Variants in STX8 observed in about 807,000 individuals in gnomAD.
The protein encoded by STX8 is syntaxin-8.
Under a neutral mutation model 37.5 loss-of-function variants are expected in STX8, and 23 were observed. That is an observed-to-expected ratio of 0.61 (90% CI 0.44 to 0.87). The LOEUF is 0.87. Ranked by LOEUF, STX8 falls within the 40% of genes least tolerant of loss-of-function variation. The pLI is 0.00. For missense variants in STX8, 313 were observed against 284.7 expected (o/e 1.10, Z -0.71); for synonymous variants, 115 against 99.1 (o/e 1.16, Z -0.95).
intron 7 of STX8, among the ~76,000 whole-genome samples, chr17:9,279,068 G>GT (rs5819218): frequency 0.016 from 2,258 of 144,782 alleles, 29 homozygotes; most frequent in Non-Finnish European, 0.022. Flanking sequence ...TTTGTTTTTT[G>GT]TTTTTTTTTT....
chr17:9,558,960 T>G (rs1907100744), intron 2 of STX8, among the ~76,000 whole-genome samples: 1 of 151,936 alleles, frequency 6.6e-6, no homozygotes, highest in Non-Finnish European at 1.5e-5. Flanking sequence ...CCATTAAAAA[T>G]TATGGCTCAA....
At chr17:9,317,637 G>A (rs1380144701) in intron 7 of STX8, among the ~76,000 whole-genome samples, 1 of 152,154 alleles carries the variant, frequency 6.6e-6, no homozygotes, top group East Asian at 1.9e-4. Context: ...ATGGTGGCAG[G>A]CACCTGTAGT....
At chr17:9,471,532 G>A (rs1486137840) in intron 6 of STX8, among the ~76,000 whole-genome samples, 1 of 152,006 alleles carries the variant, frequency 6.6e-6, no homozygotes, top group Non-Finnish European at 1.5e-5. Flanking sequence ...TTTTGGGAAG[G>A]ACCCGCCATT....
At chr17:9,571,657 T>C (rs1360931737) in intron 1 of STX8, among the ~76,000 whole-genome samples, 1 of 149,250 alleles carries the variant, frequency 6.7e-6, no homozygotes, top group African/African-American at 2.5e-5. Flanking sequence ...GGCTCACACC[T>C]GTAATCCCAG....
At chr17:9,333,860 GC>G (rs1223627093) in intron 7 of STX8, among the ~76,000 whole-genome samples, 5 of 152,084 alleles carry the variant, frequency 3.3e-5, no homozygotes, top group Admixed American at 6.6e-5. Flanking sequence ...ATTTGTAACT[GC>G]CCAGTGGGTT....
At chr17:9,284,542 T>C (rs1333166446) in intron 7 of STX8, among the ~76,000 whole-genome samples, 3 of 152,098 alleles carry the variant, frequency 2.0e-5, no homozygotes, top group Admixed American at 6.6e-5. Context: ...AGTTTACATA[T>C]GGATAAAGTA....
In STX8 at chr17:9,250,592, A is replaced by T. The variant is rs1013358690; in HGVS notation, c.697T>A (p.Trp233Arg). Residue 233 changes from tryptophan to arginine, a missense_variant, in exon 8 of 8, where the codon TGG becomes AGG. By Grantham distance (101) the Trp-to-Arg change is moderately radical. Coordinates refer to ENST00000306357, the MANE Select transcript of STX8 (RefSeq NM_004853.3). ...LLVAIVVVAVWPTN is the reference protein window; with the variant it reads ...LLVAIVVVAVRPTN ...CTTTACTGCCATCAGTTGGTCGGCC[A>T]GACTGCAACAACCACGATAGCCACA... is the stretch of plus-strand genomic sequence containing the variant. 7 of 1,596,966 alleles carry T rather than the reference A, an allele frequency of 4.4e-6. No homozygotes were observed. In the African/African-American group the frequency reaches 9.4e-5, roughly 21 times the overall value.
intron 5 of STX8, among the ~76,000 whole-genome samples, chr17:9,496,235 C>A (rs1052044828): frequency 6.6e-6 from 1 of 152,114 alleles, no homozygotes; most frequent in Admixed American, 6.6e-5. Flanking sequence ...ACCACAATGT[C>A]CAGCTAATTT....
chr17:9,326,230 A>G (rs975137040), intron 7 of STX8, among the ~76,000 whole-genome samples: 2 of 151,758 alleles, frequency 1.3e-5, no homozygotes, highest in Non-Finnish European at 2.9e-5. Flanking sequence ...TCCTGGGCTC[A>G]GGTGATTCTC....
At chr17:9,252,317 G>A (rs1331269918) in intron 7 of STX8, among the ~76,000 whole-genome samples, 8 of 152,120 alleles carry the variant, frequency 5.3e-5, no homozygotes, top group South Asian at 2.1e-4. Context: ...GGTGGCAGGC[G>A]CCTGTAGTCC....
At chr17:9,521,451 C>G (rs1009849205) in intron 4 of STX8, among the ~76,000 whole-genome samples, 2 of 152,200 alleles carry the variant, frequency 1.3e-5, no homozygotes, top group African/African-American at 4.8e-5. Context: ...CAACACAGCA[C>G]TTAATAACAA....
chr17:9,314,404 T>C (rs1057336457), intron 7 of STX8, among the ~76,000 whole-genome samples: 1 of 152,064 alleles, frequency 6.6e-6, no homozygotes, highest in African/African-American at 2.4e-5. Context: ...TTTTTTGTTT[T>C]GTTTTGTTTT....
At chr17:9,269,567 G>A (rs778202609) in intron 7 of STX8, among the ~76,000 whole-genome samples, 30 of 152,178 alleles carry the variant, frequency 2.0e-4, no homozygotes, top group Non-Finnish European at 3.4e-4. Flanking sequence ...ATCACCTTCT[G>A]CTTATCCACT....
At chr17:9,462,059 C>A (rs889816032) in intron 6 of STX8, among the ~76,000 whole-genome samples, 2 of 152,152 alleles carry the variant, frequency 1.3e-5, no homozygotes, top group African/African-American at 4.8e-5. Flanking sequence ...CAGTCAGTTG[C>A]CCGCCGCTCA....
intron 4 of STX8, among the ~76,000 whole-genome samples, chr17:9,540,399 T>C (rs1240079235): frequency 1.3e-5 from 2 of 152,190 alleles, no homozygotes; most frequent in Admixed American, 1.3e-4. Context: ...TTCTCTGGAA[T>C]GTCTACAGGA....
At chr17:9,263,141 C>T (rs1907107058) in intron 7 of STX8, among the ~76,000 whole-genome samples, 1 of 152,172 alleles carries the variant, frequency 6.6e-6, no homozygotes, top group Non-Finnish European at 1.5e-5. Flanking sequence ...TGACTGCACT[C>T]CAGCCTGGGT....
chr17:9,257,225 T>C (rs527955826), intron 7 of STX8, among the ~76,000 whole-genome samples: 1 of 152,210 alleles, frequency 6.6e-6, no homozygotes, highest in East Asian at 1.9e-4. Context: ...TATTTACAAG[T>C]CCAGCTCATG....
At chr17:9,504,729 C>CT (rs1477206549) in intron 5 of STX8, among the ~76,000 whole-genome samples, 1 of 152,082 alleles carries the variant, frequency 6.6e-6, no homozygotes, top group Non-Finnish European at 1.5e-5. Flanking sequence ...AATCCCAGCA[C>CT]TTTGGGAGGC....
chr17:9,427,145 C>T (rs1913664129), intron 6 of STX8, among the ~76,000 whole-genome samples: 1 of 152,108 alleles, frequency 6.6e-6, no homozygotes. Context: ...AAAGTGTATT[C>T]GTGGCTTAGT....
Sources: gnomAD v4.1 joint callset for allele counts (sites outside exome capture counted in the v4.1 genomes callset) on GRCh38, gnomAD v4.1.1 for gene constraint, MANE v1.5 for transcripts, NCBI Gene and HGNC (gene_info 2026-07-23, HGNC 2026-07-21) for gene names.